The following KHDRBS2 variants were observed in gnomAD, a reference collection of about 807,000 sequenced individuals.
The protein encoded by KHDRBS2 is KH domain-containing, RNA-binding, signal transduction-associated protein 2.
In KHDRBS2, 26 loss-of-function variants were observed where a neutral mutation model predicts 44.3. The ratio of observed to expected loss-of-function variants is 0.59; its 90% CI spans 0.43 to 0.81. KHDRBS2 has a LOEUF of 0.81. Among genes scored for constraint, KHDRBS2 ranks in the 40% least tolerant of loss-of-function variants. KHDRBS2 has a pLI of 0.00. For synonymous variants in KHDRBS2, 194 were observed against 151.1 expected (o/e 1.28, Z -2.08); for missense variants, 476 against 433.1 (o/e 1.10, Z -0.88).
intron 1 of KHDRBS2, among the ~76,000 whole-genome samples, chr6:62,249,106 GAAGATGTCCATTC>G (rs1563134376): frequency 6.6e-6 from 1 of 152,036 alleles, no homozygotes; most frequent in African/African-American, 2.4e-5. Context: ...AAGATGCTTT[GAAGATGTCCATTC>G]AGTCATTTCT....
At chr6:61,710,166 C>G (rs931106634) in intron 7 of KHDRBS2, among the ~76,000 whole-genome samples, 4 of 151,564 alleles carry the variant, frequency 2.6e-5, no homozygotes, top group African/African-American at 9.7e-5. Flanking sequence ...ACAATGATTT[C>G]ATTTTGACAG....
the KHDRBS2 span, among the ~76,000 whole-genome samples, chr6:61,542,903 A>C: frequency 6.6e-6 from 1 of 152,176 alleles, no homozygotes; most frequent in African/African-American, 2.4e-5. Context: ...AGAAGATATG[A>C]TAACTCTCAG....
At chr6:61,849,967 A>T (rs1583159621) in intron 6 of KHDRBS2, among the ~76,000 whole-genome samples, 1 of 152,142 alleles carries the variant, frequency 6.6e-6, no homozygotes, top group South Asian at 2.1e-4. Flanking sequence ...CTGAACTTTG[A>T]CAAACAAAAA....
At chr6:61,560,595 G>A in the KHDRBS2 span, among the ~76,000 whole-genome samples, 1 of 151,924 alleles carries the variant, frequency 6.6e-6, no homozygotes, top group Admixed American at 6.6e-5. Context: ...TGCTGTTAAA[G>A]GACTCTGATG....
At chr6:62,184,908 G>A (rs1161783434) in intron 1 of KHDRBS2, among the ~76,000 whole-genome samples, 1 of 151,810 alleles carries the variant, frequency 6.6e-6, no homozygotes, top group East Asian at 1.9e-4. Context: ...TTATTATGCT[G>A]CATTAATAAT....
At chr6:61,992,262 G>T (rs1776276280) in intron 3 of KHDRBS2, among the ~76,000 whole-genome samples, 1 of 152,034 alleles carries the variant, frequency 6.6e-6, no homozygotes, top group Admixed American at 6.5e-5. Flanking sequence ...TTTGACACTG[G>T]TTTAGCTTAC....
At chr6:61,586,563 C>T in the KHDRBS2 span, among the ~76,000 whole-genome samples, 1 of 152,092 alleles carries the variant, frequency 6.6e-6, no homozygotes. Flanking sequence ...GTGACTAGTA[C>T]AAGACTGGAC....
intron 1 of KHDRBS2, among the ~76,000 whole-genome samples, chr6:62,212,947 TAGA>T (rs1433704552): frequency 6.6e-6 from 1 of 152,080 alleles, no homozygotes; most frequent in Non-Finnish European, 1.5e-5. Context: ...AATCACCTAC[TAGA>T]AGATTTAGAT....
chr6:61,822,697 G>C (rs574538), intron 6 of KHDRBS2, among the ~76,000 whole-genome samples: 1 of 151,612 alleles, frequency 6.6e-6, no homozygotes, highest in Non-Finnish European at 1.5e-5. Flanking sequence ...CCCTACTCTA[G>C]GCTTTTGTGT....
chr6:61,967,583 C>T (rs1278642623), intron 4 of KHDRBS2, among the ~76,000 whole-genome samples: 2 of 151,628 alleles, frequency 1.3e-5, no homozygotes, highest in Non-Finnish European at 2.9e-5. Context: ...TCAGAGGAGT[C>T]CCAAACCAGG....
intron 4 of KHDRBS2, among the ~76,000 whole-genome samples, chr6:61,947,479 T>C (rs1286336249): frequency 6.6e-6 from 1 of 152,062 alleles, no homozygotes; most frequent in Non-Finnish European, 1.5e-5. Context: ...AGAGATATTG[T>C]TAATGAAGAA....
the KHDRBS2 span, among the ~76,000 whole-genome samples, chr6:61,585,518 A>G: frequency 5.3e-5 from 8 of 152,160 alleles, no homozygotes; most frequent in South Asian, 8.3e-4. Context: ...ATTCTCTAAG[A>G]TAAGAGGCTT....
intron 1 of KHDRBS2, among the ~76,000 whole-genome samples, chr6:62,218,260 A>G (rs1364802575): frequency 6.6e-6 from 1 of 151,956 alleles, no homozygotes; most frequent in Non-Finnish European, 1.5e-5. Context: ...GCCTTAAAAC[A>G]CGATTAAAGT....
intron 2 of KHDRBS2, among the ~76,000 whole-genome samples, chr6:62,135,820 G>T (rs866414159): frequency 6.6e-6 from 1 of 151,712 alleles, no homozygotes; most frequent in East Asian, 1.9e-4. Flanking sequence ...GCCAGACAAA[G>T]GAAAATACAG....
At chr6:61,651,481 G>C in the KHDRBS2 span, among the ~76,000 whole-genome samples, 1 of 152,054 alleles carries the variant, frequency 6.6e-6, no homozygotes, top group African/African-American at 2.4e-5. Flanking sequence ...ATGAGGTCAG[G>C]TGTGAAATTT....
the KHDRBS2 span, among the ~76,000 whole-genome samples, chr6:61,571,765 C>A: frequency 6.6e-6 from 1 of 151,974 alleles, no homozygotes; most frequent in Non-Finnish European, 1.5e-5. Flanking sequence ...AAGGAACTCT[C>A]AAAATATACA....
the KHDRBS2 span, among the ~76,000 whole-genome samples, chr6:61,671,783 A>G: frequency 6.6e-6 from 1 of 151,774 alleles, no homozygotes; most frequent in African/African-American, 2.4e-5. Context: ...TTAACACATG[A>G]CTGCATGGCT....
At chr6:61,735,541 A>G (rs1775196923) in intron 6 of KHDRBS2, among the ~76,000 whole-genome samples, 1 of 152,142 alleles carries the variant, frequency 6.6e-6, no homozygotes, top group Non-Finnish European at 1.5e-5. Context: ...GCATTTGATG[A>G]TTATATCTGT....
At chr6:62,107,789 G>A (rs777517256) in intron 2 of KHDRBS2, among the ~76,000 whole-genome samples, 26 of 152,110 alleles carry the variant, frequency 1.7e-4, no homozygotes, top group South Asian at 2.1e-4. Flanking sequence ...AAATAATGCC[G>A]CATATCTACA....
Sources: gnomAD v4.1 joint callset for allele counts (sites outside exome capture counted in the v4.1 genomes callset) on GRCh38, gnomAD v4.1.1 for gene constraint, MANE v1.5 for transcripts, NCBI Gene and HGNC (gene_info 2026-07-23, HGNC 2026-07-21) for gene names.